TMEM160: variants seen among roughly 807,000 people sequenced by gnomAD.
TMEM160 encodes transmembrane protein 160.
Under a neutral mutation model 13.9 loss-of-function variants are expected in TMEM160, and 10 were observed. The observed-to-expected ratio is 0.72, with a 90% CI of 0.45 to 1.22. The LOEUF is 1.22. TMEM160 is among the 50% of genes most tolerant of loss of function. The pLI is 0.00. For synonymous variants in TMEM160, 159 were observed against 134.8 expected (o/e 1.18, Z -1.25); for missense variants, 287 against 283.2 (o/e 1.01, Z -0.10).
intron 1 of TMEM160, chr19:47,047,854 T>A: frequency 1.0e-6 from 1 of 978,454 alleles, no homozygotes; most frequent in South Asian, 4.7e-5. Context: ...ATTAAAAAAA[T>A]AAAATTAAAA....
intron 1 of TMEM160, among the ~76,000 whole-genome samples, chr19:47,047,197 G>A (rs1182641918): frequency 2.0e-5 from 3 of 152,082 alleles, no homozygotes; most frequent in Non-Finnish European, 4.4e-5. Context: ...GCGACAGAGT[G>A]AGACTCCGTC....
At position 47,046,606 on chromosome 19, in the gene TMEM160, C is replaced by T; in HGVS notation, c.288G>A (p.Arg96=). 1 of 1,613,478 alleles carries T rather than the reference C, an allele frequency of 6.2e-7. No homozygotes were observed. The highest frequency in any genetic ancestry group is 8.5e-7 in the Non-Finnish European group (1 of 1,179,876). ...GTCTGCACTCACCATATGCTGCTTC[C>T]CGACCCATGTCACTCTGCATGAAGG... ...VISFMQSDMG[R]EAAYGFFLLG... Residue 96 remains arginine (R), a synonymous_variant, in exon 2 of 3, where the codon CGG becomes CGA. Transcript: ENST00000253047.
In TMEM160 at chr19:47,047,791, G is replaced by A. The variant is rs189461545; in HGVS notation, c.208+616C>T. 3.3e-4 allele frequency: 234 copies of A among 713,428 alleles called. 2 individuals carry two copies. The African/African-American group carries it at 4.2e-3, about 13-fold the overall frequency. 44.2% of individuals were successfully genotyped at this position (713,428 alleles called of 1,614,324 possible). On this transcript the variant is annotated intron_variant, in intron 1 of 2. Transcript: ENST00000253047. Reference sequence around the variant, plus strand: ...AGCCCAGGAGTTCAAGGCTGCAGTGGGCTACGATTGCGCCACTGCGGTCCA... The same window carrying A: ...AGCCCAGGAGTTCAAGGCTGCAGTGAGCTACGATTGCGCCACTGCGGTCCA...
At position 47,046,580 on chromosome 19, in the gene TMEM160, G is replaced by A; in HGVS notation, c.301+13C>T. 1.2e-6 allele frequency: 2 copies of A among 1,604,842 alleles called. No individual in the cohort carries two copies. The highest frequency in any genetic ancestry group is 2.2e-5 in the South Asian group (2 of 90,910). On this transcript the variant is annotated intron_variant, in intron 2 of 2. Coordinates refer to ENST00000253047, the MANE Select transcript of TMEM160 (RefSeq NM_017854.2). ...CCTGGTTCCGTGGGGCGAGAGGGGG[G>A]GTCTGCACTCACCATATGCTGCTTC... is the stretch of plus-strand genomic sequence containing the variant.
Position 47,046,064 on chromosome 19 carries a change from C to G in TMEM160, c.490G>C (p.Val164Leu). 6.5e-7 allele frequency: 1 copy of G among 1,547,606 alleles called. No individual in the cohort carries two copies. Among genetic ancestry groups the G allele is most frequent in the Non-Finnish European group, 8.7e-7 (1 of 1,153,488 alleles). The change falls in exon 3 of 3, where the codon GTG becomes CTG. Residue 164 changes from valine (V) to leucine (L), a missense_variant. Val to Leu is a conservative substitution (Grantham distance 32). Transcript: ENST00000253047. ...GLYMGQLELD[V>L]ELVPEDDGTA... is the part of the protein sequence containing the mutation. Reference sequence around the variant, plus strand: ...CCGTCGTCCTCGGGCACCAGCTCCACGTCCAGCTCCAGCTGCCCCATGTAG... The same window carrying G: ...CCGTCGTCCTCGGGCACCAGCTCCAGGTCCAGCTCCAGCTGCCCCATGTAG...
At chr19:47,046,809 G>A (rs2122578612) in intron 1 of TMEM160, 124 bp from the exon 2 acceptor site, 1 of 717,634 alleles carries the variant, frequency 1.4e-6, no homozygotes, top group Admixed American at 2.2e-5. Context: ...CGCAAGGCAA[G>A]CCCATCCCAA....
intron 2 of TMEM160, 104 bp from the exon 3 acceptor site, chr19:47,046,356 T>G (rs2057079863): frequency 7.4e-7 from 1 of 1,355,050 alleles, no homozygotes; most frequent in Non-Finnish European, 9.8e-7. Flanking sequence ...TGCCAGGGGC[T>G]AGCCTGCATC....
Position 47,046,178 on chromosome 19 carries a change from C to G in TMEM160, c.376G>C (p.Gly126Arg). The G allele has an allele frequency of 6.6e-7, 1 of 1,507,270 alleles. No homozygotes were observed. The allele number at this position is 1,507,270 out of a possible 1,614,324, so 93.4% of individuals were successfully genotyped here. ...SYAVGLAALR[G>R]PMQLTLGGAA... The stretch of plus-strand genomic sequence containing the variant: ...CCCCCCAGCGTCAGCTGCATGGGTC[C>G]TCGCAGCGCCGCCAGGCCCACGGCG... Residue 126 changes from glycine (G) to arginine (R), a missense_variant, in exon 3 of 3, where the codon GGA (glycine) becomes CGA (arginine). By Grantham distance (125) the Gly-to-Arg change is moderately radical. Coordinates refer to ENST00000253047, the MANE Select transcript of TMEM160 (RefSeq NM_017854.2).
Position 47,047,235 on chromosome 19 carries a change from TC to T in TMEM160, c.209-551del, listed in dbSNP as rs1164728330. ...AAAAAAAATAAAGGATTCAAGATAG[TC>T]CCTGCAGAATGTGGAGGACAATCTA... On this transcript the variant is annotated intron_variant, in intron 1 of 2. Transcript: ENST00000253047. The T allele has an allele frequency of 7.1e-6, 7 of 983,298 alleles. No individual in the cohort carries two copies. The African/African-American group carries it at 1.1e-4, about 15-fold the overall frequency. 60.9% of individuals were successfully genotyped at this position (983,298 alleles called of 1,614,324 possible). A position where few individuals can be genotyped will look rare whatever the true frequency, so the allele number is the denominator to read the frequency against.
At position 47,045,982 on chromosome 19, in the gene TMEM160, G is replaced by A; in HGVS notation, c.*5C>T. On this transcript the variant is annotated 3_prime_UTR_variant, in exon 3 of 3. Coordinates refer to ENST00000253047, the MANE Select transcript of TMEM160 (RefSeq NM_017854.2). ...AGCGCCTGCCAGGCCCCACGGCCGT[G>A]TCGCTCACTCGGGTGGCGGCCGACC... 1.3e-6 allele frequency: 2 copies of A among 1,537,188 alleles called. No homozygotes were observed. Among genetic ancestry groups the A allele is most frequent in the African/African-American group, 2.8e-5 (2 of 72,694 alleles).
chr19:47,048,272 C>A, intron 1 of TMEM160, 135 bp downstream of exon 1: 1 of 798,280 alleles, frequency 1.3e-6, no homozygotes, highest in Non-Finnish European at 1.8e-6. Context: ...TCTGCGCTTC[C>A]GTGCGCTCAC....
chr19:47,047,633 C>T (rs1043570419), intron 1 of TMEM160: 45 of 965,114 alleles, frequency 4.7e-5, no homozygotes, highest in African/African-American at 5.3e-5. Context: ...GGAGGATTCT[C>T]TGAGCCCAAG....
chr19:47,047,308 C>A (rs1376593466), intron 1 of TMEM160: 1 of 984,992 alleles, frequency 1.0e-6, no homozygotes, highest in Non-Finnish European at 1.2e-6. Flanking sequence ...CTTGGCCAAA[C>A]CCCTCCCTCT....
At chr19:47,047,535 G>A in intron 1 of TMEM160, 1 of 972,242 alleles carries the variant, frequency 1.0e-6, no homozygotes, top group Non-Finnish European at 1.2e-6. Context: ...TTTACAAACA[G>A]CCCACCACAC....
At position 47,048,317 on chromosome 19, in the gene TMEM160, G is replaced by A. The variant is rs909739201; in HGVS notation, c.208+90C>T. On this transcript the variant is annotated intron_variant, in intron 1 of 2. Transcript: ENST00000253047. ...CTTCTCGGAGCCGAGCCCGGGCCCCGTTTCCTGCAGAAGCCCCCGCCCCAT... is the reference window on the plus strand; with the variant it reads ...CTTCTCGGAGCCGAGCCCGGGCCCCATTTCCTGCAGAAGCCCCCGCCCCAT... 42 of 1,191,682 alleles carry A rather than the reference G, an allele frequency of 3.5e-5. No homozygotes were observed. The Admixed American group carries it at 1.1e-3, about 31-fold the overall frequency. 73.8% of individuals were successfully genotyped at this position (1,191,682 alleles called of 1,614,324 possible). A position where few individuals can be genotyped will look rare whatever the true frequency, so the allele number is the denominator to read the frequency against.
In TMEM160 at chr19:47,045,951, C is replaced by G. The variant is rs940704540; in HGVS notation, c.*36G>C. On this transcript the variant is annotated 3_prime_UTR_variant, in exon 3 of 3. Transcript: ENST00000253047. ...GGTTTAATGTCCCAGTCCTCGGGCG[C>G]TGTCCAGCGCCTGCCAGGCCCCACG... 4 of 1,506,654 alleles carry G rather than the reference C, an allele frequency of 2.7e-6. No individual in the cohort carries two copies. Among genetic ancestry groups the G allele is most frequent in the Middle Eastern group, 3.4e-4 (2 of 5,846 alleles). 93.3% of individuals were successfully genotyped at this position (1,506,654 alleles called of 1,614,324 possible).
rs940453875 is a variant in TMEM160 at position 47,048,578 on chromosome 19, G to A, written c.37C>T (p.Leu13Phe). ...GACCTCCGGAAGCGAAGACGGGCAA[G>A]GCGAGCGGCCCGAGCCCACCACCAG... ...GGWWWARAAR[L>F]ARLRFRRSLL... The change falls in exon 1 of 3, where the codon CTT becomes TTT. Residue 13 changes from leucine (L) to phenylalanine (F), a missense_variant. Physicochemically the swap from Leu to Phe is conservative, Grantham distance 22. Coordinates refer to ENST00000253047, the MANE Select transcript of TMEM160 (RefSeq NM_017854.2). 1.3e-6 allele frequency: 2 copies of A among 1,523,348 alleles called. No homozygotes were observed. The highest frequency in any genetic ancestry group is 1.7e-6 in the Non-Finnish European group (2 of 1,144,736). The allele number at this position is 1,523,348 out of a possible 1,614,324, so 94.4% of individuals were successfully genotyped here. A position where few individuals can be genotyped will look rare whatever the true frequency, so the allele number is the denominator to read the frequency against.
chr19:47,047,667 A>C, intron 1 of TMEM160: 1 of 784,276 alleles, frequency 1.3e-6, no homozygotes, highest in Non-Finnish European at 1.5e-6. Context: ...CTGGGCAACA[A>C]AGCAAGACCC....
chr19:47,046,588 C>T lies in TMEM160; in HGVS notation c.301+5G>A. The stretch of plus-strand genomic sequence containing the variant: ...CGTGGGGCGAGAGGGGGGGTCTGCA[C>T]TCACCATATGCTGCTTCCCGACCCA... On this transcript the variant is annotated splice_donor_5th_base_variant and intron_variant, in intron 2 of 2. Transcript: ENST00000253047. 2 of 1,612,040 alleles carry T rather than the reference C, an allele frequency of 1.2e-6. No individual in the cohort carries two copies. The highest frequency in any genetic ancestry group is 1.1e-5 in the South Asian group (1 of 91,054).
Sources: gnomAD v4.1 joint callset for allele counts (sites outside exome capture counted in the v4.1 genomes callset) on GRCh38, gnomAD v4.1.1 for gene constraint, MANE v1.5 for transcripts, NCBI Gene and HGNC (gene_info 2026-07-23, HGNC 2026-07-21) for gene names.